Variants in SGCD observed in about 807,000 individuals in gnomAD.
The protein encoded by SGCD is sarcoglycan delta.
SGCD carries 18 observed loss-of-function variants against 36.6 expected under a neutral mutation model. The observed-to-expected ratio is 0.49, with a 90% CI of 0.34 to 0.73. The LOEUF (loss-of-function observed/expected upper bound fraction) is 0.73, where lower values mean the gene tolerates loss of function less well. Among genes scored for constraint, SGCD ranks in the 30% least tolerant of loss-of-function variants. The pLI, the probability that SGCD is intolerant of heterozygous loss-of-function variation, is 0.01. For synonymous variants in SGCD, 133 were observed against 130.6 expected (o/e 1.02, Z -0.12); for missense variants, 387 against 346.7 (o/e 1.12, Z -0.92).
chr5:156,500,405 T>C (rs575179511), intron 3 of SGCD, among the ~76,000 whole-genome samples: 2 of 152,350 alleles, frequency 1.3e-5, no homozygotes, highest in African/African-American at 4.8e-5. Flanking sequence ...ATAATTGTTT[T>C]GGATCCAAAC....
rs554773108 is a variant in SGCD at position 156,386,202 on chromosome 5, G to A, written c.192+41525G>A. Reference sequence around the variant, plus strand: ...AATCAGATTGTGTGGTCAGCAGTGTGATCTGAGGACCCTATAGTGTGTAGG... The same window carrying A: ...AATCAGATTGTGTGGTCAGCAGTGTAATCTGAGGACCCTATAGTGTGTAGG... On this transcript the variant is annotated intron_variant, in intron 3 of 8. Transcript: ENST00000337851. Among the ~76,000 whole-genome samples the A allele has an allele frequency of 4.6e-5, 7 of 152,300 alleles. No individual in the cohort carries two copies. The East Asian group carries it at 1.4e-3, about 29-fold the overall frequency.
chr5:156,061,704 G>C (rs1760211010), intron 1 of SGCD, among the ~76,000 whole-genome samples: 1 of 145,324 alleles, frequency 6.9e-6, no homozygotes, highest in Admixed American at 6.9e-5. Flanking sequence ...TAGAAAACTA[G>C]GAACAGGAGA....
At chr5:156,041,652 A>C (rs764806343) in intron 1 of SGCD, among the ~76,000 whole-genome samples, 1 of 152,202 alleles carries the variant, frequency 6.6e-6, no homozygotes, top group Non-Finnish European at 1.5e-5. Context: ...TGAAAGATAC[A>C]CACTTGAAGA....
intron 1 of SGCD, among the ~76,000 whole-genome samples, chr5:155,987,009 G>A (rs368017989): frequency 3.0e-4 from 46 of 152,192 alleles, no homozygotes; most frequent in African/African-American, 9.1e-4. Flanking sequence ...ATAAACAACC[G>A]TCTTAATGCA....
intron 3 of SGCD, among the ~76,000 whole-genome samples, chr5:156,301,769 T>G (rs1276838385): frequency 3.9e-5 from 6 of 152,070 alleles, no homozygotes. Flanking sequence ...ATGTTTTCAC[T>G]GGATATACTA....
chr5:155,751,308 G>A, the SGCD span, among the ~76,000 whole-genome samples: 1 of 152,152 alleles, frequency 6.6e-6, no homozygotes, highest in African/African-American at 2.4e-5. Context: ...TATACCTCTT[G>A]ATCTATGTAC....
the SGCD span, among the ~76,000 whole-genome samples, chr5:155,751,447 G>A: frequency 1.4e-4 from 21 of 152,120 alleles, no homozygotes; most frequent in Admixed American, 3.3e-4. Flanking sequence ...AGGTTGGAGT[G>A]CAATTGCGGC....
At chr5:156,097,607 T>A in intron 1 of SGCD, among the ~76,000 whole-genome samples, 1 of 106,024 alleles carries the variant, frequency 9.4e-6, no homozygotes, top group Admixed American at 9.6e-5. Context: ...AGATTTCCTG[T>A]TTTTTCATTT....
the SGCD span, among the ~76,000 whole-genome samples, chr5:155,772,137 C>G: frequency 3.3e-5 from 5 of 152,068 alleles, no homozygotes; most frequent in African/African-American, 4.8e-5. Flanking sequence ...TCAGAACTTG[C>G]CTCTTCCTGG....
intron 3 of SGCD, among the ~76,000 whole-genome samples, chr5:156,432,343 C>T (rs1023730012): frequency 6.6e-6 from 1 of 152,164 alleles, no homozygotes. Flanking sequence ...CTCTTTCTTG[C>T]GAGCAGTATT....
At chr5:156,439,318 T>G (rs748368941) in intron 3 of SGCD, among the ~76,000 whole-genome samples, 29 of 152,148 alleles carry the variant, frequency 1.9e-4, no homozygotes, top group Non-Finnish European at 3.7e-4. Context: ...AATCATTGTG[T>G]GACATTGTGC....
chr5:156,535,620 G>A (rs931576743), intron 4 of SGCD, among the ~76,000 whole-genome samples: 3 of 152,114 alleles, frequency 2.0e-5, no homozygotes, highest in African/African-American at 7.2e-5. Flanking sequence ...TCATGAGAGT[G>A]CTTTCCAGTT....
At chr5:155,886,125 G>GT (rs1321990019) in intron 1 of SGCD, among the ~76,000 whole-genome samples, 13 of 152,178 alleles carry the variant, frequency 8.5e-5, no homozygotes, top group African/African-American at 2.9e-4. Flanking sequence ...GCATGTCTTA[G>GT]TGATGGCTCT....
chr5:156,238,303 T>C (rs1025184691), intron 3 of SGCD, among the ~76,000 whole-genome samples: 1 of 152,200 alleles, frequency 6.6e-6, no homozygotes, highest in Admixed American at 6.5e-5. Context: ...TTGTTTTTAT[T>C]CAATAAAGTA....
chr5:156,551,085 C>G (rs1758774271), intron 4 of SGCD, among the ~76,000 whole-genome samples: 1 of 152,170 alleles, frequency 6.6e-6, no homozygotes, highest in Admixed American at 6.5e-5. Flanking sequence ...CACACTCGCC[C>G]TGTCAGCTCT....
chr5:156,056,655 A>AAACAACAAAAAAC (rs1760069913), intron 1 of SGCD, among the ~76,000 whole-genome samples: 1 of 136,580 alleles, frequency 7.3e-6, no homozygotes, highest in African/African-American at 2.9e-5. Context: ...TAAAAAAAAA[A>AAACAACAAAAAAC]AAAAAAAAAA....
At chr5:156,250,919 C>G (rs754647466) in intron 3 of SGCD, among the ~76,000 whole-genome samples, 1 of 152,082 alleles carries the variant, frequency 6.6e-6, no homozygotes, top group East Asian at 1.9e-4. Flanking sequence ...TTAATAGACA[C>G]GTAAAAGCAG....
chr5:156,575,008 C>A (rs1450816436), intron 4 of SGCD, among the ~76,000 whole-genome samples: 2 of 152,076 alleles, frequency 1.3e-5, no homozygotes, highest in East Asian at 3.9e-4. Flanking sequence ...CTCAGATCTG[C>A]GGGAGCTCTT....
chr5:155,951,949 A>G (rs189707629), intron 1 of SGCD, among the ~76,000 whole-genome samples: 1 of 152,308 alleles, frequency 6.6e-6, no homozygotes, highest in African/African-American at 2.4e-5. Flanking sequence ...CTGTGACTTG[A>G]TCTTTGACTG....
Sources: allele counts gnomAD v4.1 joint callset (sites outside exome capture counted in the v4.1 genomes callset), GRCh38; gene constraint gnomAD v4.1.1; transcripts MANE v1.5; gene names NCBI Gene and HGNC (gene_info 2026-07-23, HGNC 2026-07-21).